PREP: variants seen among roughly 807,000 people sequenced by gnomAD.
The protein encoded by PREP is dJ355L5.1 (prolyl endopeptidase).
A neutral mutation model predicts 87.6 loss-of-function variants in PREP; 29 were observed. That is an observed-to-expected ratio of 0.33 (90% CI 0.25 to 0.45). PREP has a LOEUF of 0.45. PREP is among the 20% of genes least tolerant of loss of function. The pLI is 1.00. For synonymous variants in PREP, 337 were observed against 328.6 expected, an observed-to-expected ratio of 1.03 and a Z score of -0.28; for missense variants, 695 against 886.5, an observed-to-expected ratio of 0.78 and a Z score of 2.74.
At chr6:105,293,601 TAAA>T (rs199738673) in intron 10 of PREP, among the ~76,000 whole-genome samples, 27 of 130,486 alleles carry the variant, frequency 2.1e-4, no homozygotes, top group African/African-American at 4.8e-4. Context: ...CTTCAATTTG[TAAA>T]AAAAAAAAAA....
At chr6:105,387,479 C>A (rs545337222) in intron 2 of PREP, among the ~76,000 whole-genome samples, 2 of 152,036 alleles carry the variant, frequency 1.3e-5, no homozygotes, top group South Asian at 4.2e-4. Flanking sequence ...GATAGTGAAC[C>A]AATGGGGCTG....
intron 2 of PREP, among the ~76,000 whole-genome samples, chr6:105,384,775 CAA>C (rs1772940392): frequency 6.6e-6 from 1 of 152,120 alleles, no homozygotes; most frequent in Non-Finnish European, 1.5e-5. Flanking sequence ...GTGAGAAACC[CAA>C]AGAGACAAGA....
At chr6:105,371,344 A>T (rs1281842681) in intron 5 of PREP, among the ~76,000 whole-genome samples, 3 of 151,886 alleles carry the variant, frequency 2.0e-5, no homozygotes, top group Non-Finnish European at 2.9e-5. Flanking sequence ...CTCTACTAAA[A>T]ATACAAAAAA....
chr6:105,287,510 C>T (rs1770212547), intron 11 of PREP, among the ~76,000 whole-genome samples: 2 of 152,188 alleles, frequency 1.3e-5, no homozygotes, highest in Non-Finnish European at 2.9e-5. Context: ...TCGAGGTCTA[C>T]AATTTCATTA....
intron 7 of PREP, among the ~76,000 whole-genome samples, chr6:105,344,639 T>C (rs754313015): frequency 8.6e-5 from 13 of 151,854 alleles, no homozygotes; most frequent in Non-Finnish European, 1.9e-4. Context: ...ATGAGAACAC[T>C]TGGACACAGG....
chr6:105,373,119 G>T (rs1256530794), intron 5 of PREP, among the ~76,000 whole-genome samples: 2 of 152,194 alleles, frequency 1.3e-5, no homozygotes, highest in Non-Finnish European at 2.9e-5. Context: ...ATACATGTTA[G>T]AACTCAGCCA....
At chr6:105,331,936 G>C (rs1771346073) in intron 8 of PREP, among the ~76,000 whole-genome samples, 1 of 152,118 alleles carries the variant, frequency 6.6e-6, no homozygotes, top group South Asian at 2.1e-4. Flanking sequence ...ATCGGTGCCT[G>C]ATCCAAACCT....
chr6:105,353,984 C>T (rs757879418), intron 6 of PREP, among the ~76,000 whole-genome samples: 14 of 151,890 alleles, frequency 9.2e-5, no homozygotes, highest in African/African-American at 1.2e-4. Flanking sequence ...AAAAAGAATC[C>T]TAATAAAAAA....
chr6:105,282,335 T>G (rs1678296601), intron 13 of PREP, 116 bp downstream of exon 13: 2 of 1,296,802 alleles, frequency 1.5e-6, no homozygotes, highest in Admixed American at 2.3e-5. Context: ...TTGCTCTCCT[T>G]ATACCACTTT....
intron 8 of PREP, among the ~76,000 whole-genome samples, chr6:105,329,830 C>G (rs1209450154): frequency 1.3e-5 from 2 of 152,170 alleles, no homozygotes; most frequent in Admixed American, 1.3e-4. Context: ...GGATAAGTGA[C>G]TGGTGGGTTG....
At chr6:105,329,155 A>AT (rs11345908) in intron 8 of PREP, 129 bp from the exon 9 acceptor site, 25,680 of 717,094 alleles carry the variant, frequency 0.036, 22 homozygotes, top group East Asian at 0.043. Context: ...TCACTTTTAC[A>AT]TTTTTTTTTT....
intron 1 of PREP, among the ~76,000 whole-genome samples, chr6:105,402,447 C>A (rs1412461197): frequency 1.3e-5 from 2 of 150,082 alleles, no homozygotes; most frequent in Non-Finnish European, 3.0e-5. Flanking sequence ...CACACACACA[C>A]AAACACACAC....
chr6:105,345,812 G>A lies in PREP; in HGVS notation c.823+7160C>T, dbSNP rs575447413. ...GCCTCACCAGCCTCAGTTTCCTGGG[G>A]ATAATAATCCGTGCTCCTCGGAAGC... On this transcript the variant is annotated intron_variant, in intron 7 of 14. Transcript: ENST00000652536. Among the ~76,000 whole-genome samples the A allele has an allele frequency of 2.6e-5, 4 of 152,298 alleles. No individual in the cohort carries two copies. The South Asian group carries it at 8.3e-4, about 32-fold the overall frequency.
rs115800323 is a variant in PREP, at chr6:105,330,844, T to C, written c.1016-1818A>G. Among the ~76,000 whole-genome samples the C allele has an allele frequency of 1.4e-3, 211 of 152,340 alleles. 1 individual carries two copies. The highest frequency in any genetic ancestry group is 4.9e-3 in the African/African-American group (202 of 41,576). ...GAGATTAGTATGGCAAACTTTGTTT[T>C]CTCAAGTGAGGACATAAAGAAGAAC... On this transcript the variant is annotated intron_variant, in intron 8 of 14. Coordinates refer to ENST00000652536, the MANE Select transcript of PREP (RefSeq NM_002726.5).
chr6:105,373,032 T>A (rs1341990046), intron 5 of PREP, among the ~76,000 whole-genome samples: 4 of 152,184 alleles, frequency 2.6e-5, no homozygotes, highest in Non-Finnish European at 5.9e-5. Flanking sequence ...GCTAGTCTGC[T>A]AGTCGTCCCA....
intron 10 of PREP, among the ~76,000 whole-genome samples, chr6:105,290,348 C>A (rs1770275640): frequency 6.6e-6 from 1 of 152,148 alleles, no homozygotes; most frequent in African/African-American, 2.4e-5. Context: ...AGCACTATAC[C>A]CGCAGAGGCA....
At chr6:105,357,937 G>A (rs1038746472) in intron 6 of PREP, among the ~76,000 whole-genome samples, 3 of 148,020 alleles carry the variant, frequency 2.0e-5, no homozygotes, top group East Asian at 3.9e-4. Flanking sequence ...TTCTCTAAGT[G>A]ATAATGATAT....
rs1213141747 is a variant in PREP at position 105,322,916 on chromosome 6, T to G, written c.1317+749A>C. The G allele has an allele frequency of 2.5e-6, 3 of 1,212,398 alleles. No homozygotes were observed. The East Asian group carries it at 1.7e-4, about 70-fold the overall frequency. The allele number at this position is 1,212,398 out of a possible 1,614,324, so 75.1% of individuals were successfully genotyped here. A position where few individuals can be genotyped will look rare whatever the true frequency, so the allele number is the denominator to read the frequency against. On this transcript the variant is annotated intron_variant, in intron 10 of 14. Transcript: ENST00000652536. ...TGTGGGGAACATCCAGCGCTCTTTA[T>G]TCTCATCTTCCTTCACAAACAATGT...
At chr6:105,364,950 G>A (rs996984632) in intron 6 of PREP, among the ~76,000 whole-genome samples, 1 of 152,228 alleles carries the variant, frequency 6.6e-6, no homozygotes, top group Non-Finnish European at 1.5e-5. Context: ...TTTGGTACAT[G>A]GTTATAAAGA....
Sources: gnomAD v4.1 joint callset for allele counts (sites outside exome capture counted in the v4.1 genomes callset) on GRCh38, gnomAD v4.1.1 for gene constraint, MANE v1.5 for transcripts, NCBI Gene and HGNC (gene_info 2026-07-23, HGNC 2026-07-21) for gene names.